The following SULF2 variants were observed in gnomAD, a reference collection of about 807,000 sequenced individuals.
SULF2 encodes sulfatase 2, also known as extracellular sulfatase Sulf-2.
In SULF2, 52 loss-of-function variants were observed where a neutral mutation model predicts 107.7. That is an observed-to-expected ratio of 0.48 (90% confidence interval 0.39 to 0.61). SULF2 has a LOEUF of 0.61. Ranked by LOEUF, SULF2 falls within the 20% of genes least tolerant of loss-of-function variation. The pLI is 0.00. For missense variants in SULF2, 993 were observed against 1,177.3 expected, an observed-to-expected ratio of 0.84 and a Z score of 2.29; for synonymous variants, 460 against 464.3, an observed-to-expected ratio of 0.99 and a Z score of 0.12.
chr20:47,693,775 C>T (rs139452827), intron 4 of SULF2, among the ~76,000 whole-genome samples: 547 of 152,308 alleles, frequency 3.6e-3, no homozygotes, highest in Middle Eastern at 0.01. Context: ...CAGGCCGGGG[C>T]AGGAATGAGA....
intron 3 of SULF2, among the ~76,000 whole-genome samples, chr20:47,704,896 G>A (rs766342953): frequency 2.0e-5 from 3 of 152,158 alleles, no homozygotes; most frequent in Non-Finnish European, 4.4e-5. Context: ...ATGGGGCTCT[G>A]GTGCCCCTAG....
chr20:47,688,036 T>C (rs781130142), intron 5 of SULF2, among the ~76,000 whole-genome samples: 1 of 151,828 alleles, frequency 6.6e-6, no homozygotes, highest in Non-Finnish European at 1.5e-5. Flanking sequence ...GGGGGGTGCA[T>C]GGGGAGGGTG....
intron 2 of SULF2, among the ~76,000 whole-genome samples, chr20:47,742,701 G>A (rs945031426): frequency 6.6e-6 from 1 of 152,116 alleles, no homozygotes; most frequent in African/African-American, 2.4e-5. Context: ...TAACTACGTC[G>A]AGTTAGAGAA....
intron 1 of SULF2, among the ~76,000 whole-genome samples, chr20:47,759,418 G>A (rs998885919): frequency 3.3e-5 from 5 of 152,266 alleles, no homozygotes; most frequent in Admixed American, 1.3e-4. Flanking sequence ...GCAGCTGTGC[G>A]CAGTGGCTCA....
At chr20:47,715,518 C>T (rs1365856205) in intron 3 of SULF2, among the ~76,000 whole-genome samples, 1 of 151,938 alleles carries the variant, frequency 6.6e-6, no homozygotes, top group Non-Finnish European at 1.5e-5. Context: ...GGGTAAACAA[C>T]TGAACCAACG....
intron 5 of SULF2, among the ~76,000 whole-genome samples, chr20:47,688,386 C>A (rs183118164): frequency 9.2e-4 from 140 of 152,326 alleles, no homozygotes; most frequent in Non-Finnish European, 6.6e-4. Context: ...TGCTCATTTT[C>A]AATTTCTGTA....
chr20:47,738,011 T>C (rs991068412), intron 2 of SULF2, among the ~76,000 whole-genome samples: 1 of 152,062 alleles, frequency 6.6e-6, no homozygotes, highest in Non-Finnish European at 1.5e-5. Flanking sequence ...CCCAAAGTGC[T>C]GTCATTACAG....
At chr20:47,753,914 C>A (rs964329464) in intron 2 of SULF2, among the ~76,000 whole-genome samples, 3 of 152,172 alleles carry the variant, frequency 2.0e-5, no homozygotes, top group Admixed American at 2.0e-4. Context: ...TCTTTTGGAG[C>A]GGAAGTCCAG....
intron 3 of SULF2, among the ~76,000 whole-genome samples, chr20:47,728,758 G>A (rs1274163030): frequency 6.6e-6 from 1 of 152,120 alleles, no homozygotes; most frequent in East Asian, 1.9e-4. Context: ...TGGTTCTCCT[G>A]CCTCAGCCTC....
chr20:47,749,515 G>A (rs1206026177), intron 2 of SULF2, among the ~76,000 whole-genome samples: 2 of 152,256 alleles, frequency 1.3e-5, no homozygotes, highest in East Asian at 1.9e-4. Context: ...CAGAGAGGCT[G>A]AGCTGGAAGT....
chr20:47,724,840 C>T lies in SULF2; in HGVS notation c.415+11863G>A, dbSNP rs1600578708. On this transcript the variant is annotated intron_variant, in intron 3 of 20. Coordinates refer to ENST00000688720, the MANE Select transcript of SULF2 (RefSeq NM_001387048.1). ...ACCTTTCAAAGAGCTGTTCTCAGCG[C>T]CATCAGACTGACCTCCCATTTCTAT... Among the ~76,000 whole-genome samples the T allele has an allele frequency of 2.6e-5, 4 of 152,292 alleles. No individual in the cohort carries two copies. The East Asian group carries it at 5.8e-4, about 22-fold the overall frequency.
chr20:47,777,787 G>T (rs1470405718), intron 1 of SULF2, among the ~76,000 whole-genome samples: 3 of 152,084 alleles, frequency 2.0e-5, no homozygotes, highest in Admixed American at 2.0e-4. Flanking sequence ...CTTTCAGATG[G>T]TCTGATTTTC....
At chr20:47,687,369 T>C (rs936370912) in intron 5 of SULF2, among the ~76,000 whole-genome samples, 7 of 152,120 alleles carry the variant, frequency 4.6e-5, no homozygotes, top group African/African-American at 1.7e-4. Flanking sequence ...ATCTGAAAAC[T>C]TCACCTCCTC....
intron 2 of SULF2, among the ~76,000 whole-genome samples, chr20:47,754,113 G>A (rs991723998): frequency 3.3e-5 from 5 of 152,136 alleles, no homozygotes; most frequent in African/African-American, 4.8e-5. Context: ...TTGAATATAC[G>A]TGGTACAGCC....
intron 15 of SULF2, 42 bp downstream of exon 15, chr20:47,664,088 A>G (rs2087182231): frequency 6.2e-7 from 1 of 1,600,254 alleles, no homozygotes; most frequent in South Asian, 1.1e-5. Context: ...CTCCTCATGC[A>G]GGCCTCTGCA....
intron 1 of SULF2, among the ~76,000 whole-genome samples, chr20:47,773,336 G>T (rs1438645556): frequency 6.6e-6 from 1 of 152,234 alleles, no homozygotes; most frequent in African/African-American, 2.4e-5. Context: ...GGCCTCTCTG[G>T]CATGAGGAGG....
chr20:47,730,537 G>A (rs987940262), intron 3 of SULF2, among the ~76,000 whole-genome samples: 8 of 152,002 alleles, frequency 5.3e-5, no homozygotes, highest in South Asian at 2.1e-4. Flanking sequence ...TGCAACCTCC[G>A]CCTCCTGGGT....
chr20:47,740,048 C>A (rs2089840982), intron 2 of SULF2, among the ~76,000 whole-genome samples: 2 of 152,226 alleles, frequency 1.3e-5, no homozygotes, highest in Non-Finnish European at 2.9e-5. Flanking sequence ...AGCTAAGGAA[C>A]TGAGAGCACT....
intron 3 of SULF2, among the ~76,000 whole-genome samples, chr20:47,710,667 A>G (rs2088897335): frequency 1.3e-5 from 2 of 148,728 alleles, no homozygotes; most frequent in Admixed American, 1.3e-4. Flanking sequence ...TTCATTATCC[A>G]CCAATGGGCC....
Sources: gnomAD v4.1 joint callset for allele counts (sites outside exome capture counted in the v4.1 genomes callset) on GRCh38, gnomAD v4.1.1 for gene constraint, MANE v1.5 for transcripts, NCBI Gene and HGNC (gene_info 2026-07-23, HGNC 2026-07-21) for gene names.